Variants in DOCK2 observed in about 807,000 individuals in gnomAD.
DOCK2 encodes the protein dedicator of cytokinesis 2.
A neutral mutation model predicts 248.9 loss-of-function variants in DOCK2; 87 were observed. That is an observed-to-expected ratio of 0.35 (90% CI 0.29 to 0.42). DOCK2 has a LOEUF of 0.42. DOCK2 is among the 10% of genes least tolerant of loss of function. The pLI is 1.00. For synonymous variants in DOCK2, 805 were observed against 821.6 expected (o/e 0.98, Z 0.35); for missense variants, 1,747 against 2,300.2 (o/e 0.76, Z 4.92).
chr5:169,991,513 G>T (rs936739997), intron 29 of DOCK2, among the ~76,000 whole-genome samples: 2 of 152,214 alleles, frequency 1.3e-5, no homozygotes, highest in South Asian at 2.1e-4. Context: ...TATTTGAAAG[G>T]ATGGATCTAC....
chr5:169,838,808 C>A lies in DOCK2; in HGVS notation c.2704-1949C>A, dbSNP rs892251823. On this transcript the variant is annotated intron_variant, in intron 26 of 51. Coordinates refer to ENST00000520908, the MANE Select transcript of DOCK2 (RefSeq NM_004946.3). ...ACAGGGCTAGAGAGTCTGGGAGTAG[C>A]CAAAGTAACAAATAAGTGAGTCTAA... Among the ~76,000 whole-genome samples the A allele has an allele frequency of 3.9e-5, 6 of 152,220 alleles. No homozygotes were observed. In the East Asian group the frequency reaches 9.6e-4, roughly 24 times the overall value.
intron 27 of DOCK2, among the ~76,000 whole-genome samples, chr5:169,907,231 T>C (rs1028294226): frequency 6.6e-6 from 1 of 152,188 alleles, no homozygotes; most frequent in Non-Finnish European, 1.5e-5. Context: ...TTGCATTTGG[T>C]TTGCGTCATT....
At chr5:170,000,150 C>A (rs1005991495) in intron 30 of DOCK2, 1 of 152,106 alleles carries the variant, frequency 6.6e-6, no homozygotes, top group African/African-American at 2.4e-5. Flanking sequence ...TCTTATGGGC[C>A]CAGACTATTG....
chr5:169,681,863 G>A lies in DOCK2; in HGVS notation c.590G>A (p.Arg197His), dbSNP rs552888694. ...HEEATDKITERIKEEMSKDQP... is the reference protein window; with the variant it reads ...HEEATDKITEHIKEEMSKDQP... Reference sequence around the variant, plus strand: ...GAAGCAACTGATAAAATCACAGAGCGTATCAAAGAAGAAATGGTGAGCTTT... The same window carrying A: ...GAAGCAACTGATAAAATCACAGAGCATATCAAAGAAGAAATGGTGAGCTTT... Residue 197 changes from arginine to histidine, a missense_variant, in exon 7 of 52, where the codon CGT becomes CAT. This residue lies in a region of DOCK2 where 375 missense variants were observed against 510.9 expected (regional missense o/e 0.73). Coordinates refer to ENST00000520908, the MANE Select transcript of DOCK2 (RefSeq NM_004946.3). 3.1e-6 allele frequency: 5 copies of A among 1,613,756 alleles called. No individual in the cohort carries two copies. Among genetic ancestry groups the A allele is most frequent in the East Asian group, 2.2e-5 (1 of 44,850 alleles).
At chr5:169,985,756 A>C (rs186061653) in intron 28 of DOCK2, 72 bp from the exon 29 acceptor site, 22 of 1,317,130 alleles carry the variant, frequency 1.7e-5, no homozygotes, top group Admixed American at 4.5e-5. Context: ...ATAGCAAAAA[A>C]ATTTGAAGAG....
Position 169,714,371 on chromosome 5 carries a change from G to C in DOCK2, c.1855G>C (p.Gly619Arg), listed in dbSNP as rs1224485487. Residue 619 changes from glycine to arginine, a missense_variant, in exon 19 of 52, where the codon GGT becomes CGT. Gly to Arg is a moderately radical substitution (Grantham distance 125). Transcript: ENST00000520908. ...GGACTCTATTTTAGTGGGCTTGCTG[G>C]GTTTGCTGAAGTGGCGTATGAAGCC... ...TKLTQNVGLL[G>R]LLKWRMKPQL... 1 of 1,614,036 alleles carries C rather than the reference G, an allele frequency of 6.2e-7. No homozygotes were observed. The highest frequency in any genetic ancestry group is 8.5e-7 in the Non-Finnish European group (1 of 1,179,962).
intron 50 of DOCK2, 38 bp from the exon 51 acceptor site, chr5:170,081,804 A>T: frequency 6.9e-7 from 1 of 1,445,744 alleles, no homozygotes; most frequent in Non-Finnish European, 9.1e-7. Context: ...CCCCTCCTCT[A>T]CCCACCCATT....
At chr5:169,713,000 C>G (rs1036444290) in intron 17 of DOCK2, among the ~76,000 whole-genome samples, 1 of 152,262 alleles carries the variant, frequency 6.6e-6, no homozygotes, top group Non-Finnish European at 1.5e-5. Flanking sequence ...CCTTGGCTTT[C>G]TTAGCCTTGT....
intron 33 of DOCK2, among the ~76,000 whole-genome samples, chr5:170,023,346 G>A (rs1313956189): frequency 6.6e-6 from 1 of 152,214 alleles, no homozygotes. Context: ...CACTGAGACT[G>A]CATCTTGGCG....
intron 30 of DOCK2, among the ~76,000 whole-genome samples, chr5:170,003,773 A>T (rs551339678): frequency 6.6e-6 from 1 of 152,354 alleles, no homozygotes; most frequent in African/African-American, 2.4e-5. Context: ...CTTTGGGAAC[A>T]AGAGTGAAGA....
At chr5:169,847,468 A>T (rs1220786571) in intron 27 of DOCK2, among the ~76,000 whole-genome samples, 1 of 152,178 alleles carries the variant, frequency 6.6e-6, no homozygotes, top group African/African-American at 2.4e-5. Flanking sequence ...ATTTAGATAG[A>T]ATATTCTCCC....
intron 27 of DOCK2, chr5:169,881,252 G>A (rs913952222): frequency 8.5e-6 from 7 of 821,884 alleles, no homozygotes; most frequent in Non-Finnish European, 1.4e-5. Context: ...ACATTTCATA[G>A]TTAAATACCT....
intron 27 of DOCK2, among the ~76,000 whole-genome samples, chr5:169,909,427 A>T (rs537810998): frequency 9.2e-5 from 14 of 152,312 alleles, no homozygotes; most frequent in East Asian, 3.9e-4. Context: ...CAATGAATTT[A>T]AAAAAATCTA....
At chr5:169,658,917 C>T (rs532936733) in intron 2 of DOCK2, among the ~76,000 whole-genome samples, 25 of 151,254 alleles carry the variant, frequency 1.7e-4, no homozygotes, top group Admixed American at 4.6e-4. Context: ...CACTTACATT[C>T]CAACCACCTA....
rs189987519 is a variant in DOCK2 at position 169,648,601 on chromosome 5, C to G, written c.44-5802C>G. ...CTGAGAGAGTGTGCTCCGGAGCCAG[C>G]CTGTCTGGGGTGAAATCCTCACTTG... On this transcript the variant is annotated intron_variant, in intron 1 of 51. Transcript: ENST00000520908. Among the ~76,000 whole-genome samples the G allele has an allele frequency of 2.5e-3, 387 of 152,248 alleles. 1 individual carries two copies. Among genetic ancestry groups the G allele is most frequent in the African/African-American group, 8.2e-3 (340 of 41,530 alleles).
intron 5 of DOCK2, among the ~76,000 whole-genome samples, chr5:169,672,338 C>T (rs1249566496): frequency 1.3e-5 from 2 of 152,126 alleles, no homozygotes; most frequent in African/African-American, 4.8e-5. Context: ...CACAATCACA[C>T]GTACCATTGA....
intron 1 of DOCK2, among the ~76,000 whole-genome samples, chr5:169,652,658 T>C (rs1581386834): frequency 6.6e-6 from 1 of 152,154 alleles, no homozygotes; most frequent in Non-Finnish European, 1.5e-5. Flanking sequence ...AGAGCTGGGG[T>C]TCCTTCTGAA....
intron 22 of DOCK2, among the ~76,000 whole-genome samples, chr5:169,734,219 A>G (rs560613554): frequency 6.6e-6 from 1 of 152,108 alleles, no homozygotes; most frequent in Non-Finnish European, 1.5e-5. Flanking sequence ...CAAAAACTCC[A>G]TTTTGTTCTT....
Position 169,637,284 on chromosome 5 carries a change from C to A in DOCK2, c.-43C>A. Reference sequence around the variant, plus strand: ...GGGCCCTGCGGCGCCCAGCCACCCCCTGACGGCTTCCCCACGGGAGGACGC... The same window carrying A: ...GGGCCCTGCGGCGCCCAGCCACCCCATGACGGCTTCCCCACGGGAGGACGC... On this transcript the variant is annotated 5_prime_UTR_variant, in exon 1 of 52. It adds an upstream start codon to the 5' untranslated region. Coordinates refer to ENST00000520908, the MANE Select transcript of DOCK2 (RefSeq NM_004946.3). The A allele has an allele frequency of 1.4e-6, 2 of 1,436,588 alleles. No homozygotes were observed. The highest frequency in any genetic ancestry group is 1.8e-6 in the Non-Finnish European group (2 of 1,099,058). The allele number at this position is 1,436,588 out of a possible 1,614,324, so 89.0% of individuals were successfully genotyped here. A position where few individuals can be genotyped will look rare whatever the true frequency, so the allele number is the denominator to read the frequency against.
Sources: allele counts gnomAD v4.1 joint callset (sites outside exome capture counted in the v4.1 genomes callset), GRCh38; gene constraint gnomAD v4.1.1; regional missense constraint gnomAD v4.1.1; transcripts MANE v1.5; gene names NCBI Gene and HGNC (gene_info 2026-07-23, HGNC 2026-07-21).